The following KIF5C variants were observed in gnomAD, a reference collection of about 807,000 sequenced individuals.
KIF5C encodes the protein kinesin heavy chain isoform 5C.
A neutral mutation model predicts 125.2 loss-of-function variants in KIF5C; 18 were observed. That is an observed-to-expected ratio of 0.14 (90% CI 0.10 to 0.21). The LOEUF (loss-of-function observed/expected upper bound fraction) is 0.21. Ranked by LOEUF, KIF5C falls within the 10% of genes least tolerant of loss-of-function variation. KIF5C has a pLI of 1.00. For synonymous variants in KIF5C, 405 were observed against 434.0 expected (o/e 0.93, Z 0.83); for missense variants, 780 against 1,183.8 (o/e 0.66, Z 5.01).
chr2:148,942,476 A>G (rs973195798), intron 6 of KIF5C, among the ~76,000 whole-genome samples, 197 bp from the exon 7 acceptor site: 5 of 152,140 alleles, frequency 3.3e-5, no homozygotes, highest in Non-Finnish European at 7.3e-5. Flanking sequence ...TTACGTCTAT[A>G]TTTCCTAGGG....
intron 1 of KIF5C, among the ~76,000 whole-genome samples, chr2:148,881,339 T>C (rs1288101588): frequency 6.6e-6 from 1 of 152,188 alleles, no homozygotes; most frequent in Admixed American, 6.6e-5. Flanking sequence ...TTCATTTAGC[T>C]CTAGACTACG....
chr2:149,022,488 A>G (rs1471566580), intron 25 of KIF5C, among the ~76,000 whole-genome samples: 3 of 152,214 alleles, frequency 2.0e-5, no homozygotes, highest in Non-Finnish European at 1.5e-5. Flanking sequence ...AAATCTCAGT[A>G]GTAATATTGT....
chr2:148,966,748 A>C (rs1470179524), intron 11 of KIF5C, among the ~76,000 whole-genome samples: 1 of 151,894 alleles, frequency 6.6e-6, no homozygotes, highest in African/African-American at 2.4e-5. Context: ...GGCCTTTGGG[A>C]GGTGATTGGG....
chr2:148,907,579 T>C (rs998296012), intron 1 of KIF5C, among the ~76,000 whole-genome samples: 2 of 152,212 alleles, frequency 1.3e-5, no homozygotes, highest in African/African-American at 4.8e-5. Flanking sequence ...GCAGCAAATC[T>C]AATCTAGGAA....
intron 1 of KIF5C, among the ~76,000 whole-genome samples, chr2:148,911,511 A>G (rs1176225176): frequency 6.6e-6 from 1 of 152,168 alleles, no homozygotes; most frequent in East Asian, 1.9e-4. Context: ...ATGAGAGCAA[A>G]AATTAGGTGG....
intron 25 of KIF5C, among the ~76,000 whole-genome samples, chr2:149,018,503 G>A (rs1682435547): frequency 6.6e-6 from 1 of 152,086 alleles, no homozygotes; most frequent in South Asian, 2.1e-4. Context: ...AGTTCTCAAA[G>A]TTCTTGGCCT....
At chr2:148,943,332 T>A (rs1162483578) in intron 7 of KIF5C, among the ~76,000 whole-genome samples, 1 of 152,200 alleles carries the variant, frequency 6.6e-6, no homozygotes, top group African/African-American at 2.4e-5. Context: ...TTCCTCAGTA[T>A]GTTCATTGCA....
At chr2:149,017,556 G>T (rs554122905) in intron 25 of KIF5C, among the ~76,000 whole-genome samples, 1 of 152,296 alleles carries the variant, frequency 6.6e-6, no homozygotes, top group East Asian at 1.9e-4. Flanking sequence ...CAAGCCAGGG[G>T]ACTTGTTCAA....
chr2:148,875,775 G>T (rs1681163716), intron 1 of KIF5C, 32 bp downstream of exon 1: 1 of 1,583,738 alleles, frequency 6.3e-7, no homozygotes. Context: ...CTTCCCTGCT[G>T]CTCCGCGCCG....
At chr2:148,986,526 T>G (rs7559952) in intron 15 of KIF5C, among the ~76,000 whole-genome samples, 1,850 of 152,324 alleles carry the variant, frequency 0.012, 38 homozygotes, top group African/African-American at 0.042. Flanking sequence ...CAGAAATTAC[T>G]TGACTTCTGC....
At chr2:148,914,565 T>G (rs1681469474) in intron 1 of KIF5C, among the ~76,000 whole-genome samples, 1 of 152,278 alleles carries the variant, frequency 6.6e-6, no homozygotes, top group Non-Finnish European at 1.5e-5. Flanking sequence ...CTTACAAGAT[T>G]CATTCTTGTG....
At chr2:148,964,152 G>T (rs1302420687) in intron 11 of KIF5C, among the ~76,000 whole-genome samples, 1 of 152,014 alleles carries the variant, frequency 6.6e-6, no homozygotes, top group African/African-American at 2.4e-5. Flanking sequence ...GCGCATGCCT[G>T]TAATCCCAGC....
At chr2:148,942,806 A>C (rs1180765759) in intron 7 of KIF5C, 46 bp downstream of exon 7, 1 of 1,578,270 alleles carries the variant, frequency 6.3e-7, no homozygotes, top group African/African-American at 1.3e-5. Context: ...TGGGAGACAG[A>C]TATCTGCCCA....
chr2:148,967,499 C>T (rs1006275583), intron 11 of KIF5C, among the ~76,000 whole-genome samples: 1 of 152,150 alleles, frequency 6.6e-6, no homozygotes, highest in African/African-American at 2.4e-5. Context: ...GCTGGTGTGC[C>T]TTGGCTGGGG....
chr2:148,931,639 G>A (rs1317127542), intron 3 of KIF5C, among the ~76,000 whole-genome samples: 1 of 152,030 alleles, frequency 6.6e-6, no homozygotes, highest in African/African-American at 2.4e-5. Context: ...CTCCAGCCTG[G>A]GTGACAGAAC....
chr2:148,963,258 G>A (rs1442230756), intron 11 of KIF5C, among the ~76,000 whole-genome samples: 2 of 151,866 alleles, frequency 1.3e-5, no homozygotes, highest in African/African-American at 4.8e-5. Context: ...CTGCTGCTGT[G>A]TTCAGTATTT....
intron 1 of KIF5C, among the ~76,000 whole-genome samples, chr2:148,906,384 T>A (rs1041738018): frequency 3.9e-5 from 6 of 152,010 alleles, no homozygotes; most frequent in Admixed American, 3.3e-4. Context: ...GGCATCTAAG[T>A]AACTGATGTG....
At chr2:148,895,579 C>G (rs1476392085) in intron 1 of KIF5C, among the ~76,000 whole-genome samples, 1 of 151,946 alleles carries the variant, frequency 6.6e-6, no homozygotes, top group Non-Finnish European at 1.5e-5. Flanking sequence ...ACTCTTTTCT[C>G]TTAACATTTA....
At chr2:148,886,800 G>A (rs1378782002) in intron 1 of KIF5C, among the ~76,000 whole-genome samples, 3 of 152,140 alleles carry the variant, frequency 2.0e-5, no homozygotes, top group East Asian at 1.9e-4. Context: ...TCAAACAAGC[G>A]GGAGAAAAAA....
Sources: gnomAD v4.1 joint callset for allele counts (sites outside exome capture counted in the v4.1 genomes callset) on GRCh38, gnomAD v4.1.1 for gene constraint, MANE v1.5 for transcripts, NCBI Gene and HGNC (gene_info 2026-07-23, HGNC 2026-07-21) for gene names.